Variants in MED12 observed in about 807,000 individuals in gnomAD.
MED12 encodes mediator complex subunit 12.
MED12 carries 10 observed loss-of-function variants against 177.7 expected under a neutral mutation model. The observed-to-expected ratio is 0.06, with a 90% CI of 0.03 to 0.10. MED12 has a LOEUF of 0.10. MED12 is among the 10% of genes least tolerant of loss of function. The pLI is 1.00. For missense variants in MED12, 867 were observed against 1,780.8 expected (o/e 0.49, Z 9.23); for synonymous variants, 641 against 678.4 (o/e 0.94, Z 0.86).
rs748668603 is a variant in MED12, at chrX:71,140,729, A to G, written c.6139A>G (p.Ile2047Val). 1.5e-5 allele frequency: 18 copies of G among 1,207,196 alleles called. No homozygotes were observed. In the East Asian group the frequency reaches 4.8e-4, roughly 32 times the overall value. ...GVQAGVRSTA[I>V]LPEQQQQQQQ... ...CCAGGCAGGCGTCCGTTCAACAGCC[A>G]TCCTACCTGAGCAGCAGCAGCAGCA... Residue 2047 changes from isoleucine (I) to valine (V), a missense_variant, in exon 42 of 45, where the codon ATC becomes GTC. Ile to Val is a conservative substitution (Grantham distance 29, BLOSUM62 3). Transcript: ENST00000374080.
intron 43 of MED12, 128 bp downstream of exon 43, chrX:71,141,498 G>T: frequency 1.1e-6 from 1 of 917,382 alleles, no homozygotes; most frequent in Non-Finnish European, 1.5e-6. Context: ...CCCTAAAAAT[G>T]GATTGGGAGG....
intron 19 of MED12, 108 bp from the exon 20 acceptor site, chrX:71,126,861 C>T: frequency 1.2e-6 from 1 of 825,995 alleles, no homozygotes; most frequent in Non-Finnish European, 1.8e-6. Context: ...GTGGTGGCTC[C>T]AGCAGGAAGG....
At position 71,132,480 on chromosome X, in the gene MED12, A is replaced by G. The variant is rs1180981105; in HGVS notation, c.4357A>G (p.Lys1453Glu). 1.7e-6 allele frequency: 2 copies of G among 1,207,356 alleles called. No homozygotes were observed. The highest frequency in any genetic ancestry group is 4.4e-5 in the Admixed American group (2 of 45,478). The part of the protein sequence containing the change: ...VLKAAGEELE[K>E]GQHLGSSSRK... ...AAAGGCTGCTGGGGAAGAATTGGAGAAGGGTCAGCACCTGGGTTCCTCTTC... is the reference window on the plus strand; with the variant it reads ...AAAGGCTGCTGGGGAAGAATTGGAGGAGGGTCAGCACCTGGGTTCCTCTTC... Residue 1453 changes from lysine (K) to glutamate (E), a missense_variant, in exon 31 of 45, where the codon AAG becomes GAG. By Grantham distance (56) the Lys-to-Glu change is moderately conservative (BLOSUM62 1). Around this residue, in one of 14 missense-constraint regions of MED12, gnomAD observed 17 missense variants for 76.7 expected, o/e 0.22. Coordinates refer to ENST00000374080, the MANE Select transcript of MED12 (RefSeq NM_005120.3).
chrX:71,135,577 T>C (rs1282897748), intron 36 of MED12, among the ~76,000 whole-genome samples: 2 of 111,175 alleles, frequency 1.8e-5, no homozygotes, highest in Non-Finnish European at 3.8e-5. Flanking sequence ...ACAGCCTGTA[T>C]CTCTTTTATT....
chrX:71,140,604 G>A, intron 41 of MED12, 31 bp from the exon 42 acceptor site: 1 of 1,211,186 alleles, frequency 8.3e-7, no homozygotes, highest in Non-Finnish European at 1.1e-6. Flanking sequence ...CCTCCCTCAT[G>A]CCTTGACCTC....
At chrX:71,125,902 C>T in intron 17 of MED12, 134 bp from the exon 18 acceptor site, 1 of 584,304 alleles carries the variant, frequency 1.7e-6, no homozygotes, top group Non-Finnish European at 3.0e-6. Flanking sequence ...TTCCCTCTTC[C>T]TTCCTTCCCT....
At chrX:71,134,300 C>T in intron 33 of MED12, 57 bp from the exon 34 acceptor site, 1 of 667,228 alleles carries the variant, frequency 1.5e-6, no homozygotes, top group Non-Finnish European at 2.4e-6. Context: ...CTAAGCTTTC[C>T]TGAAACTCTG....
Position 71,120,133 on chromosome X carries a change from G to T in MED12, c.516G>T (p.Glu172Asp). 8.3e-7 allele frequency: 1 copy of T among 1,211,596 alleles called. No homozygotes were observed. The highest frequency in any genetic ancestry group is 1.1e-6 in the Non-Finnish European group (1 of 895,464). Residue 172 changes from glutamate to aspartate, a missense_variant, in exon 4 of 45, where the codon GAG (glutamate) becomes GAT (aspartate). Glu to Asp is a conservative substitution (Grantham distance 45). Around this residue, in one of 14 missense-constraint regions of MED12, gnomAD observed 309 missense variants for 556.3 expected, o/e 0.56. Coordinates refer to ENST00000374080, the MANE Select transcript of MED12 (RefSeq NM_005120.3). Reference protein sequence around the residue: ...MTCAYYAAISETKVKKRHVDP... With the variant: ...MTCAYYAAISDTKVKKRHVDP... ...GTGCCTACTATGCAGCAATCTCTGAGACCAAGGTTAAGAAGAGACATGTTG... is the reference window on the plus strand; with the variant it reads ...GTGCCTACTATGCAGCAATCTCTGATACCAAGGTTAAGAAGAGACATGTTG...
At chrX:71,126,927 A>C (rs1416799463) in intron 19 of MED12, 42 bp from the exon 20 acceptor site, 3 of 1,188,028 alleles carry the variant, frequency 2.5e-6, no homozygotes, top group Non-Finnish European at 3.4e-6. Flanking sequence ...TATGTAACAC[A>C]AGGGGCCTCT....
At position 71,125,743 on chromosome X, in the gene MED12, C is replaced by T. The variant is rs2075790; in HGVS notation, c.2422+30C>T. The T allele has an allele frequency of 0.14, 143,191 of 1,059,878 alleles. 6,235 individuals carry two copies. The highest frequency in any genetic ancestry group is 0.24 in the South Asian group (12,583 of 53,470). 87.3% of individuals were successfully genotyped at this position (1,059,878 alleles called of 1,213,427 possible). A position where few individuals can be genotyped will look rare whatever the true frequency, so the allele number is the denominator to read the frequency against. On this transcript the variant is annotated intron_variant, in intron 17 of 44. Transcript: ENST00000374080. ...CTCACAGTAAGCCCCATACTGCCCT[C>T]CCTCCCTCTCCCTTCCCTCCCTGAA...
intron 13 of MED12, 98 bp from the exon 14 acceptor site, chrX:71,124,666 A>G (rs752622654): frequency 6.2e-5 from 42 of 678,426 alleles, no homozygotes; most frequent in Non-Finnish European, 8.0e-5. Flanking sequence ...GCTTTCCCCA[A>G]TCTGGTCTTC....
In MED12 at chrX:71,136,593, G is replaced by T; in HGVS notation, c.5338G>T (p.Glu1780Ter). Residue 1780 changes from glutamate (E) to a stop codon, truncating the protein, a stop_gained, in exon 37 of 45, where the codon GAG becomes TAG. Transcript: ENST00000374080. LOFTEE classifies it high-confidence loss of function. ...DKPGAAPPSTEERKKKSTKGK... is the reference protein window; with the variant it reads ...DKPGAAPPST ...ACCGGGGGCTGCTCCACCCAGTACT[G>T]AGGAACGCAAGAAGAAGTCCACCAA... is the stretch of plus-strand genomic sequence containing the variant. The T allele has an allele frequency of 8.3e-7, 1 of 1,205,863 alleles. No homozygotes were observed.
chrX:71,123,843 C>G (rs2092296038), intron 12 of MED12, 123 bp downstream of exon 12: 1 of 755,706 alleles, frequency 1.3e-6, no homozygotes, highest in Non-Finnish European at 2.0e-6. Context: ...TGCAGAATGA[C>G]TTTTAGATGT....
chrX:71,120,768 G>A (rs2092287401), intron 4 of MED12, among the ~76,000 whole-genome samples: 1 of 109,980 alleles, frequency 9.1e-6, no homozygotes, highest in African/African-American at 3.3e-5. Context: ...CCACCACTGC[G>A]CCCGGCTAAT....
At chrX:71,133,289 G>T (rs2092323412) in intron 33 of MED12, 77 bp downstream of exon 33, 3 of 698,932 alleles carry the variant, frequency 4.3e-6, no homozygotes, top group Non-Finnish European at 4.6e-6. Flanking sequence ...AGGTTGGGGA[G>T]AATGGGGGTA....
chrX:71,138,570 CA>C (rs200170344), intron 41 of MED12, among the ~76,000 whole-genome samples: 2 of 107,925 alleles, frequency 1.9e-5, no homozygotes, highest in African/African-American at 3.4e-5. Context: ...CACACCTGGC[CA>C]AAAAAAAATT....
At position 71,121,646 on chromosome X, in the gene MED12, G is replaced by C; in HGVS notation, c.931G>C (p.Gly311Arg). ...ACGGAGACTGGCCCTGCAGCTGGATGGTGTGAGCAGTCACTCATCTCATGT... is the reference window on the plus strand; with the variant it reads ...ACGGAGACTGGCCCTGCAGCTGGATCGTGTGAGCAGTCACTCATCTCATGT... The part of the protein sequence containing the change: ...CTRRLALQLD[G>R]VSSHSSHVIS... The change falls in exon 7 of 45, where the codon GGT becomes CGT. Residue 311 changes from glycine (G) to arginine (R), a missense_variant. Gly to Arg is a moderately radical substitution (Grantham distance 125). This residue lies in a region of MED12 where 309 missense variants were observed against 556.3 expected (regional missense o/e 0.56). Coordinates refer to ENST00000374080, the MANE Select transcript of MED12 (RefSeq NM_005120.3). 1 of 1,211,606 alleles carries C rather than the reference G, an allele frequency of 8.3e-7. No individual in the cohort carries two copies. Among genetic ancestry groups the C allele is most frequent in the Non-Finnish European group, 1.1e-6 (1 of 895,472 alleles).
chrX:71,141,419 G>A (rs2092347652), intron 43 of MED12, 49 bp downstream of exon 43: 4 of 1,161,273 alleles, frequency 3.4e-6, no homozygotes, highest in Non-Finnish European at 3.5e-6. Flanking sequence ...GCCCAGGTTG[G>A]GCACGCAGCC....
At position 71,128,583 on chromosome X, in the gene MED12, T is replaced by C; in HGVS notation, c.3355-15T>C. ...TCCACACTGAGTCATGGTGTCTGTC[T>C]GTTTTTTCCTCCAGGTCAGTGACCT... On this transcript the variant is annotated splice_polypyrimidine_tract_variant and intron_variant, in intron 23 of 44. Transcript: ENST00000374080. 1 of 1,211,036 alleles carries C rather than the reference T, an allele frequency of 8.3e-7. No individual in the cohort carries two copies. The highest frequency in any genetic ancestry group is 1.1e-6 in the Non-Finnish European group (1 of 895,415).
Sources: gnomAD v4.1 joint callset for allele counts (sites outside exome capture counted in the v4.1 genomes callset) on GRCh38, gnomAD v4.1.1 for gene constraint, gnomAD v4.1.1 regional missense constraint, MANE v1.5 for transcripts, NCBI Gene and HGNC (gene_info 2026-07-23, HGNC 2026-07-21) for gene names.